The following ARID1A variants were observed in gnomAD, a reference collection of about 807,000 sequenced individuals.
The protein encoded by ARID1A is AT-rich interaction domain 1A.
In ARID1A, 20 loss-of-function variants were observed where a neutral mutation model predicts 212.6. The ratio of observed to expected loss-of-function variants is 0.09; its 90% CI spans 0.07 to 0.14. The LOEUF (loss-of-function observed/expected upper bound fraction) is 0.14, where lower values mean the gene tolerates loss of function less well. Among genes scored for constraint, ARID1A ranks in the 10% least tolerant of loss-of-function variants. ARID1A has a pLI of 1.00. For synonymous variants in ARID1A, 1,376 were observed against 1,222.1 expected (o/e 1.13, Z -2.63); for missense variants, 2,587 against 3,059.0 (o/e 0.85, Z 3.64).
At chr1:26,735,420 G>C (rs1297853644) in intron 4 of ARID1A, among the ~76,000 whole-genome samples, 2 of 152,162 alleles carry the variant, frequency 1.3e-5, no homozygotes, top group African/African-American at 4.8e-5. Flanking sequence ...AGCCTCCCGA[G>C]TAGCTGGGAT....
At chr1:26,708,037 T>G (rs926049332) in intron 1 of ARID1A, among the ~76,000 whole-genome samples, 1 of 152,168 alleles carries the variant, frequency 6.6e-6, no homozygotes. Flanking sequence ...GTTAACAATT[T>G]GACATCGTGC....
intron 1 of ARID1A, among the ~76,000 whole-genome samples, chr1:26,702,012 T>C (rs557820161): frequency 6.6e-6 from 1 of 152,178 alleles, no homozygotes; most frequent in South Asian, 2.1e-4. Flanking sequence ...GAGGAATGGA[T>C]ATTCATAAGT....
chr1:26,716,367 G>A (rs965433656), intron 1 of ARID1A, among the ~76,000 whole-genome samples: 15 of 152,074 alleles, frequency 9.9e-5, no homozygotes, highest in African/African-American at 3.4e-4. Context: ...CTTTCTAGTG[G>A]GGAAAAATAT....
At chr1:26,744,344 TCA>T (rs886362921) in intron 4 of ARID1A, among the ~76,000 whole-genome samples, 4 of 152,214 alleles carry the variant, frequency 2.6e-5, no homozygotes, top group Non-Finnish European at 5.9e-5. Flanking sequence ...CCTGTGTGTC[TCA>T]CACAGATTCC....
intron 1 of ARID1A, among the ~76,000 whole-genome samples, chr1:26,711,066 G>T (rs903235112): frequency 1.3e-5 from 2 of 151,642 alleles, no homozygotes; most frequent in Non-Finnish European, 2.9e-5. Context: ...TCTTCTTGCC[G>T]GTCTACCACC....
intron 1 of ARID1A, among the ~76,000 whole-genome samples, chr1:26,704,911 A>G (rs966337708): frequency 2.6e-5 from 4 of 152,104 alleles, no homozygotes; most frequent in African/African-American, 9.7e-5. Context: ...CCAAGCAGCT[A>G]ACAAATGCTG....
At chr1:26,759,242 A>G (rs778742298) in intron 4 of ARID1A, among the ~76,000 whole-genome samples, 7 of 152,014 alleles carry the variant, frequency 4.6e-5, no homozygotes, top group African/African-American at 1.2e-4. Flanking sequence ...TTGCTCCGTT[A>G]CCTATGCTGG....
At chr1:26,703,620 A>G (rs528076874) in intron 1 of ARID1A, among the ~76,000 whole-genome samples, 2 of 152,310 alleles carry the variant, frequency 1.3e-5, no homozygotes, top group South Asian at 2.1e-4. Context: ...AAAAACTTGG[A>G]TTGGCACTGA....
chr1:26,709,030 A>G (rs936332968), intron 1 of ARID1A, among the ~76,000 whole-genome samples: 1 of 152,092 alleles, frequency 6.6e-6, no homozygotes, highest in African/African-American at 2.4e-5. Flanking sequence ...GGGGAAATGA[A>G]CACATAAAGT....
chr1:26,731,116 G>A (rs776173031), intron 2 of ARID1A, 36 bp from the exon 3 acceptor site: 1 of 1,575,338 alleles, frequency 6.3e-7, no homozygotes, highest in Non-Finnish European at 8.7e-7. Flanking sequence ...TCATGCAGGA[G>A]AGTCAGTGCT....
At chr1:26,749,231 C>T (rs1203321925) in intron 4 of ARID1A, among the ~76,000 whole-genome samples, 2 of 152,106 alleles carry the variant, frequency 1.3e-5, no homozygotes, top group Non-Finnish European at 2.9e-5. Context: ...TTGTGGACTG[C>T]CCCGTGTAGC....
intron 4 of ARID1A, among the ~76,000 whole-genome samples, chr1:26,745,164 A>G (rs1215664444): frequency 2.0e-5 from 3 of 152,302 alleles, no homozygotes; most frequent in South Asian, 2.1e-4. Flanking sequence ...TTGGCCTCCA[A>G]GAAACCAGAC....
rs12126391 is a variant in ARID1A at position 26,779,355 on chromosome 1, G to A, written c.5457G>A (p.Lys1819=). The change falls in exon 20 of 20, where the codon AAG becomes AAA. Residue 1819 remains lysine, a synonymous_variant. Coordinates refer to ENST00000324856, the MANE Select transcript of ARID1A (RefSeq NM_006015.6). ...AGCTTCCAGTAAAGATCGTACAGAA[G>A]AATGATCCATTTGTGGTGGACTGCT... ...FDKLPVKIVQ[K]NDPFVVDCSD... is the part of the protein sequence containing the mutation. 7.9e-5 allele frequency: 128 copies of A among 1,614,130 alleles called. No homozygotes were observed. The highest frequency in any genetic ancestry group is 1.1e-4 in the Non-Finnish European group (125 of 1,180,060).
intron 4 of ARID1A, among the ~76,000 whole-genome samples, chr1:26,743,684 TAGGC>T (rs2080809331): frequency 6.7e-6 from 1 of 148,494 alleles, no homozygotes; most frequent in East Asian, 2.0e-4. Context: ...AATACAAAAA[TAGGC>T]AGGTGTGGTG....
At chr1:26,765,987 A>G in intron 8 of ARID1A, 1 of 477,318 alleles carries the variant, frequency 2.1e-6, no homozygotes, top group Non-Finnish European at 3.6e-6. Flanking sequence ...GGCTGCAGTA[A>G]GCTATGATCA....
rs2124744627 is a variant in ARID1A, at chr1:26,697,390, G to A, written c.987G>A (p.Pro329=). The change falls in exon 1 of 20, where the codon CCG becomes CCA. Residue 329 remains proline, a synonymous_variant. Transcript: ENST00000324856. ...GPQDGGAGKG[P]ADMASQCWGA... is the part of the protein sequence containing the mutation. ...AGGACGGGGGCGCCGGCAAGGGCCCGGCGGACATGGCCTCGCAGTGTTGGG... is the reference window on the plus strand; with the variant it reads ...AGGACGGGGGCGCCGGCAAGGGCCCAGCGGACATGGCCTCGCAGTGTTGGG... 1 of 1,322,562 alleles carries A rather than the reference G, an allele frequency of 7.6e-7. No individual in the cohort carries two copies. The highest frequency in any genetic ancestry group is 2.2e-5 in the South Asian group (1 of 46,054). 81.9% of individuals were successfully genotyped at this position (1,322,562 alleles called of 1,614,324 possible). A position where few individuals can be genotyped will look rare whatever the true frequency, so the allele number is the denominator to read the frequency against.
intron 4 of ARID1A, among the ~76,000 whole-genome samples, chr1:26,758,477 G>C (rs866959797): frequency 6.6e-6 from 1 of 152,156 alleles, no homozygotes; most frequent in Non-Finnish European, 1.5e-5. Context: ...TACAGAGCCA[G>C]ATGTGGTGGT....
chr1:26,748,741 C>T (rs563677988), intron 4 of ARID1A, among the ~76,000 whole-genome samples: 15 of 151,130 alleles, frequency 9.9e-5, no homozygotes, highest in African/African-American at 3.4e-4. Flanking sequence ...GGTGACTGGT[C>T]GGGCAGGTAA....
At chr1:26,766,652 TC>T in intron 10 of ARID1A, 86 bp downstream of exon 10, 1 of 1,351,722 alleles carries the variant, frequency 7.4e-7, no homozygotes, top group Non-Finnish European at 1.0e-6. Context: ...AGTGACAAGA[TC>T]CCAGCCTTTT....
Sources: gnomAD v4.1 joint callset for allele counts (sites outside exome capture counted in the v4.1 genomes callset) on GRCh38, gnomAD v4.1.1 for gene constraint, MANE v1.5 for transcripts, NCBI Gene and HGNC (gene_info 2026-07-23, HGNC 2026-07-21) for gene names.